Variants in NLK observed in about 807,000 individuals in gnomAD.
The protein encoded by NLK is serine/threonine-protein kinase NLK.
A neutral mutation model predicts 59.0 loss-of-function variants in NLK; 11 were observed. That is an observed-to-expected ratio of 0.19 (90% CI 0.12 to 0.31). NLK has a LOEUF of 0.31. NLK is among the 10% of genes least tolerant of loss of function. NLK has a pLI of 1.00. For missense variants in NLK, 410 were observed against 661.1 expected, an observed-to-expected ratio of 0.62 and a Z score of 4.16; for synonymous variants, 235 against 235.9, an observed-to-expected ratio of 1.00 and a Z score of 0.03.
chr17:28,167,838 A>T (rs939701970), intron 5 of NLK, among the ~76,000 whole-genome samples: 1 of 152,080 alleles, frequency 6.6e-6, no homozygotes, highest in Non-Finnish European at 1.5e-5. Context: ...GTCTAAAAAA[A>T]TAAATAAAGT....
intron 1 of NLK, among the ~76,000 whole-genome samples, chr17:28,054,399 T>G (rs1909365314): frequency 6.6e-6 from 1 of 152,238 alleles, no homozygotes; most frequent in Admixed American, 6.5e-5. Flanking sequence ...GTTTAAAACA[T>G]TTTAATAAAA....
intron 1 of NLK, among the ~76,000 whole-genome samples, chr17:28,114,293 A>T (rs889529166): frequency 6.6e-6 from 1 of 152,170 alleles, no homozygotes; most frequent in African/African-American, 2.4e-5. Context: ...TAGTGTGTAT[A>T]TATTTTTGAC....
At chr17:28,139,414 T>C (rs1247205099) in intron 3 of NLK, among the ~76,000 whole-genome samples, 4 of 152,196 alleles carry the variant, frequency 2.6e-5, no homozygotes, top group African/African-American at 9.6e-5. Flanking sequence ...TCCTTTCTCC[T>C]TATCTCTGAA....
At chr17:28,175,815 C>T (rs1597723338) in intron 7 of NLK, among the ~76,000 whole-genome samples, 1 of 152,178 alleles carries the variant, frequency 6.6e-6, no homozygotes, top group Admixed American at 6.5e-5. Flanking sequence ...AAAAATTATA[C>T]ATTGTGATCA....
At chr17:28,147,333 G>A (rs762077829) in intron 3 of NLK, among the ~76,000 whole-genome samples, 4 of 152,186 alleles carry the variant, frequency 2.6e-5, no homozygotes, top group Admixed American at 6.5e-5. Flanking sequence ...AGAATTTGAT[G>A]TCAGCATTTG....
At chr17:28,096,948 G>T (rs552678286) in intron 1 of NLK, among the ~76,000 whole-genome samples, 2 of 152,100 alleles carry the variant, frequency 1.3e-5, no homozygotes, top group East Asian at 3.9e-4. Context: ...AACAGTGATA[G>T]GATGGAGCCT....
At chr17:28,160,212 G>C (rs1907947629) in intron 3 of NLK, among the ~76,000 whole-genome samples, 1 of 152,142 alleles carries the variant, frequency 6.6e-6, no homozygotes, top group African/African-American at 2.4e-5. Context: ...AATGATTGAA[G>C]GAGACTAAAG....
intron 6 of NLK, 142 bp downstream of exon 6, chr17:28,168,799 T>C (rs1017279555): frequency 3.1e-6 from 2 of 637,722 alleles, no homozygotes; most frequent in African/African-American, 3.7e-5. Flanking sequence ...ATTCAGAAAG[T>C]TATAAAGTTG....
intron 7 of NLK, among the ~76,000 whole-genome samples, chr17:28,176,496 T>C (rs186771330): frequency 9.2e-5 from 14 of 152,320 alleles, no homozygotes; most frequent in African/African-American, 3.4e-4. Flanking sequence ...TAATGTACCA[T>C]TACTATTCCT....
At chr17:28,128,816 A>C (rs540948956) in intron 2 of NLK, among the ~76,000 whole-genome samples, 1 of 152,350 alleles carries the variant, frequency 6.6e-6, no homozygotes, top group East Asian at 1.9e-4. Context: ...CTCAAGAGAA[A>C]TGAATGCATA....
At chr17:28,094,213 T>C (rs1019892563) in intron 1 of NLK, among the ~76,000 whole-genome samples, 4 of 152,166 alleles carry the variant, frequency 2.6e-5, no homozygotes, top group African/African-American at 4.8e-5. Flanking sequence ...ATTTACTGTA[T>C]AGGGAATGGT....
chr17:28,120,270 GTGTA>G (rs1395098205), intron 1 of NLK, among the ~76,000 whole-genome samples: 255 of 141,150 alleles, frequency 1.8e-3, no homozygotes, highest in African/African-American at 6.0e-3. Flanking sequence ...GTGTGTGTGT[GTGTA>G]TGTGTGTGTG....
intron 1 of NLK, among the ~76,000 whole-genome samples, chr17:28,065,516 A>C (rs1221896733): frequency 6.6e-6 from 1 of 152,166 alleles, no homozygotes; most frequent in Non-Finnish European, 1.5e-5. Flanking sequence ...TTGAGATTTT[A>C]TCTGAATCTG....
intron 1 of NLK, among the ~76,000 whole-genome samples, chr17:28,068,234 T>C (rs1377687949): frequency 6.6e-6 from 1 of 152,224 alleles, no homozygotes; most frequent in Non-Finnish European, 1.5e-5. Flanking sequence ...TTTATACTTT[T>C]CTCATAAAAT....
intron 10 of NLK, among the ~76,000 whole-genome samples, chr17:28,194,188 C>T (rs904539043): frequency 6.6e-6 from 1 of 152,184 alleles, no homozygotes; most frequent in Non-Finnish European, 1.5e-5. Flanking sequence ...GAAATTATTA[C>T]TTGTAATACC....
intron 1 of NLK, among the ~76,000 whole-genome samples, chr17:28,111,533 T>C (rs1409317601): frequency 6.6e-6 from 1 of 152,156 alleles, no homozygotes; most frequent in Non-Finnish European, 1.5e-5. Flanking sequence ...TTCCTGTTTC[T>C]TAACATGTTG....
chr17:28,137,049 G>A (rs903147878), intron 3 of NLK, among the ~76,000 whole-genome samples: 1 of 150,938 alleles, frequency 6.6e-6, no homozygotes, highest in Non-Finnish European at 1.5e-5. Flanking sequence ...AAGATTAATA[G>A]GACCTCAAGT....
intron 10 of NLK, among the ~76,000 whole-genome samples, chr17:28,193,948 G>T (rs1909397743): frequency 6.6e-6 from 1 of 152,094 alleles, no homozygotes; most frequent in African/African-American, 2.4e-5. Context: ...GGAAACAAGG[G>T]GTTACACTTT....
At chr17:28,179,879 T>TG (rs942392715) in intron 7 of NLK, among the ~76,000 whole-genome samples, 1 of 148,182 alleles carries the variant, frequency 6.7e-6, no homozygotes, top group Admixed American at 6.7e-5. Context: ...TTGGTTTTTT[T>TG]TTTTTTTTTT....
Sources: allele counts gnomAD v4.1 joint callset (sites outside exome capture counted in the v4.1 genomes callset), GRCh38; gene constraint gnomAD v4.1.1; transcripts MANE v1.5; gene names NCBI Gene and HGNC (gene_info 2026-07-23, HGNC 2026-07-21).